Variants in LRRC4C observed in about 807,000 individuals in gnomAD.
LRRC4C encodes the protein leucine rich repeat containing 4C.
Under a neutral mutation model 33.6 loss-of-function variants are expected in LRRC4C, and 5 were observed. The ratio of observed to expected loss-of-function variants is 0.15; its 90% CI spans 0.08 to 0.31. The LOEUF is 0.31. Ranked by LOEUF, LRRC4C falls within the 10% of genes least tolerant of loss-of-function variation. The pLI is 1.00. For synonymous variants in LRRC4C, 329 were observed against 302.0 expected, an observed-to-expected ratio of 1.09 and a Z score of -0.93; for missense variants, 560 against 796.7, an observed-to-expected ratio of 0.70 and a Z score of 3.58.
intron 1 of LRRC4C, among the ~76,000 whole-genome samples, chr11:41,224,184 G>A (rs532524512): frequency 4.7e-4 from 72 of 152,218 alleles, no homozygotes; most frequent in Non-Finnish European, 7.5e-4. Context: ...TACCTGCCGT[G>A]GAAAAAGCCA....
rs186076888 is a variant in LRRC4C at position 40,728,421 on chromosome 11, C to A, written c.-406-80143G>T. ...GAGATCGAGACCATCCTGGCTAACA[C>A]GGTGAAACCCCGTTCTCTACTAAAA... On this transcript the variant is annotated intron_variant, in intron 2 of 6. Coordinates refer to ENST00000528697, the MANE Select transcript of LRRC4C (RefSeq NM_001258419.2). Among the ~76,000 whole-genome samples the A allele has an allele frequency of 3.5e-3, 527 of 150,662 alleles. 2 individuals carry two copies. Among genetic ancestry groups the A allele is most frequent in the Non-Finnish European group, 5.6e-3 (381 of 67,656 alleles).
At chr11:40,162,171 A>AG in intron 5 of LRRC4C, among the ~76,000 whole-genome samples, 1 of 152,068 alleles carries the variant, frequency 6.6e-6, no homozygotes, top group East Asian at 1.9e-4. Context: ...AGAAAAAAAA[A>AG]AAAAGACTGA....
chr11:40,718,482 C>T (rs1234483697), intron 2 of LRRC4C, among the ~76,000 whole-genome samples: 2 of 152,056 alleles, frequency 1.3e-5, no homozygotes, highest in Non-Finnish European at 2.9e-5. Flanking sequence ...TCATGCAGAC[C>T]AGCTGAGGCG....
chr11:40,168,114 T>C (rs904570474), intron 5 of LRRC4C, among the ~76,000 whole-genome samples: 6 of 151,766 alleles, frequency 4.0e-5, no homozygotes, highest in African/African-American at 1.5e-4. Flanking sequence ...GGAAAGGAGA[T>C]GTGAAATAAG....
Position 40,319,615 on chromosome 11 carries a change from A to G in LRRC4C, c.-176+13T>C, listed in dbSNP as rs1320340053. ...AGCCCCTAAAGAATAGATTAGTGGT[A>G]TTTGGAACTTACCTTAGTAAAATTT... On this transcript the variant is annotated intron_variant, in intron 4 of 6. Coordinates refer to ENST00000528697, the MANE Select transcript of LRRC4C (RefSeq NM_001258419.2). 1.3e-5 allele frequency: 2 copies of G among 152,178 alleles called. No individual in the cohort carries two copies. The highest frequency in any genetic ancestry group is 4.8e-5 in the African/African-American group (2 of 41,442). 9.4% of individuals were successfully genotyped at this position (152,178 alleles called of 1,614,324 possible).
chr11:40,543,172 T>C (rs187104572), intron 3 of LRRC4C, among the ~76,000 whole-genome samples: 181 of 150,978 alleles, frequency 1.2e-3, no homozygotes, highest in African/African-American at 4.1e-3. Flanking sequence ...CATTACTCTC[T>C]ATAAATCTTG....
intron 1 of LRRC4C, among the ~76,000 whole-genome samples, chr11:41,148,452 A>C (rs2135949770): frequency 6.6e-6 from 1 of 152,310 alleles, no homozygotes; most frequent in East Asian, 1.9e-4. Flanking sequence ...TGGATAAATA[A>C]AAATTGAATA....
chr11:40,161,049 C>A (rs1455705499), intron 5 of LRRC4C, among the ~76,000 whole-genome samples: 1 of 152,146 alleles, frequency 6.6e-6, no homozygotes, highest in East Asian at 1.9e-4. Flanking sequence ...GACCATGGGG[C>A]TTCATGTTAC....
intron 6 of LRRC4C, among the ~76,000 whole-genome samples, chr11:40,137,991 G>A (rs903224118): frequency 6.6e-6 from 1 of 152,098 alleles, no homozygotes; most frequent in East Asian, 1.9e-4. Flanking sequence ...ACTTACATAC[G>A]CAGTTTTATT....
intron 3 of LRRC4C, among the ~76,000 whole-genome samples, chr11:40,461,451 T>A (rs1321522416): frequency 6.6e-6 from 1 of 152,100 alleles, no homozygotes; most frequent in Non-Finnish European, 1.5e-5. Flanking sequence ...GGTATAATTT[T>A]AAAAACTTCA....
At chr11:40,731,997 A>G (rs1947608298) in intron 2 of LRRC4C, among the ~76,000 whole-genome samples, 1 of 152,086 alleles carries the variant, frequency 6.6e-6, no homozygotes, top group Admixed American at 6.6e-5. Context: ...CAAGCAGACA[A>G]TCTTCTATCC....
At chr11:40,656,577 T>C (rs1943126006) in intron 2 of LRRC4C, among the ~76,000 whole-genome samples, 1 of 152,142 alleles carries the variant, frequency 6.6e-6, no homozygotes, top group Admixed American at 6.5e-5. Context: ...CTGATTTTGT[T>C]TAAGGCCTTC....
At chr11:40,245,099 C>A (rs1243645472) in intron 4 of LRRC4C, among the ~76,000 whole-genome samples, 2 of 152,038 alleles carry the variant, frequency 1.3e-5, no homozygotes, top group Admixed American at 6.6e-5. Context: ...ATGAATGAAC[C>A]CAGCAAGCAT....
At chr11:40,500,303 C>T (rs61886211) in intron 3 of LRRC4C, among the ~76,000 whole-genome samples, 3,506 of 129,066 alleles carry the variant, frequency 0.027, 65 homozygotes, top group African/African-American at 0.047. Context: ...TACACACACA[C>T]ACACACACAC....
At chr11:41,266,778 G>A (rs989357119) in intron 1 of LRRC4C, among the ~76,000 whole-genome samples, 1 of 152,072 alleles carries the variant, frequency 6.6e-6, no homozygotes, top group African/African-American at 2.4e-5. Context: ...CCTACCAGTG[G>A]CTTGTAGGAG....
intron 2 of LRRC4C, among the ~76,000 whole-genome samples, chr11:40,701,957 G>C (rs181281968): frequency 1.8e-4 from 28 of 152,032 alleles, no homozygotes; most frequent in Admixed American, 1.1e-3. Context: ...TGTTAGACAA[G>C]ATAACTGTAT....
At chr11:40,980,393 A>T (rs1245581480) in intron 1 of LRRC4C, among the ~76,000 whole-genome samples, 2 of 152,192 alleles carry the variant, frequency 1.3e-5, no homozygotes, top group African/African-American at 4.8e-5. Context: ...GATTTCTTTC[A>T]AATGTCTAGA....
At chr11:40,994,895 T>A (rs1565282618) in intron 1 of LRRC4C, among the ~76,000 whole-genome samples, 1 of 151,928 alleles carries the variant, frequency 6.6e-6, no homozygotes, top group Non-Finnish European at 1.5e-5. Context: ...CATTGTCCCC[T>A]CCACAATTTC....
chr11:40,885,600 AT>A (rs2136061079), intron 2 of LRRC4C, among the ~76,000 whole-genome samples: 1 of 152,248 alleles, frequency 6.6e-6, no homozygotes, highest in East Asian at 1.9e-4. Context: ...AATAGGCAGT[AT>A]CATCAACAAA....
Sources: gnomAD v4.1 joint callset for allele counts (sites outside exome capture counted in the v4.1 genomes callset) on GRCh38, gnomAD v4.1.1 for gene constraint, MANE v1.5 for transcripts, NCBI Gene and HGNC (gene_info 2026-07-23, HGNC 2026-07-21) for gene names.